The following SYT4 variants were observed in gnomAD, a reference collection of about 807,000 sequenced individuals.
SYT4 encodes the protein synaptotagmin-4.
SYT4 carries 7 observed loss-of-function variants against 32.9 expected under a neutral mutation model. The ratio of observed to expected loss-of-function variants is 0.21; its 90% CI spans 0.12 to 0.40. SYT4 has a LOEUF of 0.40. SYT4 is among the 10% of genes least tolerant of loss of function. The probability of loss-of-function intolerance (pLI) is 1.00; values close to 1 mark genes in which losing one functional copy is unlikely to be tolerated. For missense variants in SYT4, 480 were observed against 488.0 expected, an observed-to-expected ratio of 0.98 and a Z score of 0.16; for synonymous variants, 205 against 186.2, an observed-to-expected ratio of 1.10 and a Z score of -0.82.
chr18:43,276,173 A>G (rs1908787511), intron 1 of SYT4, among the ~76,000 whole-genome samples: 1 of 152,220 alleles, frequency 6.6e-6, no homozygotes, highest in African/African-American at 2.4e-5. Context: ...AGGCTGGGAA[A>G]GAAATTCATT....
At chr18:43,277,101 A>G (rs544661589) in intron 1 of SYT4, 147 bp downstream of exon 1, 1 of 938,126 alleles carries the variant, frequency 1.1e-6, no homozygotes, top group Non-Finnish European at 1.6e-6. Context: ...ATAAGCCACA[A>G]TTGCCTGACT....
In SYT4 at chr18:43,268,251, TC is replaced by T. The variant is rs2144362479; in HGVS notation, c.*2089del. The T allele has an allele frequency of 6.5e-6, 1 of 152,740 alleles. No individual in the cohort carries two copies. The allele number at this position is 152,740 out of a possible 1,614,324, so 9.5% of individuals were successfully genotyped here. On this transcript the variant is annotated 3_prime_UTR_variant, in exon 4 of 4. Coordinates refer to ENST00000255224, the MANE Select transcript of SYT4 (RefSeq NM_020783.4). Reference sequence around the variant, plus strand: ...TTAAGATCTCCCTGCCTGTTTCAATTCCTTTGTTGTTTCTTTTCTCTTTTCT... The same window carrying T: ...TTAAGATCTCCCTGCCTGTTTCAATTCTTTGTTGTTTCTTTTCTCTTTTCT...
intron 3 of SYT4, among the ~76,000 whole-genome samples, chr18:43,271,060 T>C (rs570468050): frequency 1.3e-5 from 2 of 152,270 alleles, no homozygotes; most frequent in South Asian, 4.1e-4. Context: ...CCCTGACTTT[T>C]GGCTGTGTTT....
intron 1 of SYT4, among the ~76,000 whole-genome samples, chr18:43,276,240 T>C (rs1908789366): frequency 6.6e-6 from 1 of 152,158 alleles, no homozygotes; most frequent in Admixed American, 6.6e-5. Context: ...ATGGCAAACA[T>C]TTTCTATAAC....
Position 43,274,060 on chromosome 18 carries a change from C to T in SYT4, c.369G>A (p.Pro123=), listed in dbSNP as rs149555646. 2.2e-5 allele frequency: 35 copies of T among 1,613,844 alleles called. No individual in the cohort carries two copies. The highest frequency in any genetic ancestry group is 6.6e-5 in the South Asian group (6 of 91,070). ...CTTTTTCCCCTTCTAAAAAGAGCTTCGGGGTTGCATTCTCCAGATCAGAAG... is the reference window on the plus strand; with the variant it reads ...CTTTTTCCCCTTCTAAAAAGAGCTTTGGGGTTGCATTCTCCAGATCAGAAG... The part of the protein sequence containing the change: ...GSPSDLENAT[P]KLFLEGEKES... The change falls in exon 2 of 4, where the codon CCG becomes CCA. Residue 123 remains proline (P), a synonymous_variant. Transcript: ENST00000255224.
Position 43,268,356 on chromosome 18 carries a change from C to T in SYT4, c.*1985G>A, listed in dbSNP as rs1288543759. On this transcript the variant is annotated 3_prime_UTR_variant, in exon 4 of 4. Coordinates refer to ENST00000255224, the MANE Select transcript of SYT4 (RefSeq NM_020783.4). ...AATTTTAAAAGCTAAAAACTATTTA[C>T]AAATTATCCATTTTAATTTTAAAAA... The T allele has an allele frequency of 6.6e-6, 1 of 151,746 alleles. No homozygotes were observed. Among genetic ancestry groups the T allele is most frequent in the Non-Finnish European group, 1.5e-5 (1 of 67,946 alleles). 9.4% of individuals were successfully genotyped at this position (151,746 alleles called of 1,614,324 possible). A position where few individuals can be genotyped will look rare whatever the true frequency, so the allele number is the denominator to read the frequency against.
chr18:43,273,933 C>T lies in SYT4; in HGVS notation c.496G>A (p.Glu166Lys), dbSNP rs376423172. The change falls in exon 2 of 4, where the codon GAG (glutamate) becomes AAG (lysine). Residue 166 changes from glutamate (E) to lysine (K), a missense_variant. Transcript: ENST00000255224. ...ATATTGACCACAAATGCTTTTCTCT[C>T]GAAGTTGTATTCTAAGGAGAAGAAG... ...TLFFSLEYNF[E>K]RKAFVVNIKE... The T allele has an allele frequency of 3.1e-5, 50 of 1,613,844 alleles. No individual in the cohort carries two copies. In the Middle Eastern group the frequency reaches 8.2e-4, roughly 27 times the overall value.
chr18:43,277,139 C>G, intron 1 of SYT4, 109 bp downstream of exon 1: 1 of 1,334,628 alleles, frequency 7.5e-7, no homozygotes, highest in South Asian at 1.4e-5. Context: ...TTTAAATTAA[C>G]TACCTAGGAA....
In SYT4 at chr18:43,277,464, C is replaced by T; in HGVS notation, c.-183G>A. The T allele has an allele frequency of 1.6e-6, 1 of 623,906 alleles. No homozygotes were observed. Among genetic ancestry groups the T allele is most frequent in the Non-Finnish European group, 2.8e-6 (1 of 360,936 alleles). 38.6% of individuals were successfully genotyped at this position (623,906 alleles called of 1,614,324 possible). A position where few individuals can be genotyped will look rare whatever the true frequency, so the allele number is the denominator to read the frequency against. On this transcript the variant is annotated 5_prime_UTR_variant, in exon 1 of 4. Coordinates refer to ENST00000255224, the MANE Select transcript of SYT4 (RefSeq NM_020783.4). ...CACTCGCCCTCGCACAGTGATTTGC[C>T]ACCTCGGTTCCTGTTTTGGCTCTTC... is the stretch of plus-strand genomic sequence containing the variant.
Position 43,277,316 on chromosome 18 carries a change from G to T in SYT4, c.-35C>A, listed in dbSNP as rs561612997. Reference sequence around the variant, plus strand: ...CGTGTTCTGTCCGAGGTGCTGAAGGGAAAACTGCCTGGCTGGATTCACTTG... The same window carrying T: ...CGTGTTCTGTCCGAGGTGCTGAAGGTAAAACTGCCTGGCTGGATTCACTTG... On this transcript the variant is annotated 5_prime_UTR_variant, in exon 1 of 4. Coordinates refer to ENST00000255224, the MANE Select transcript of SYT4 (RefSeq NM_020783.4). 5.0e-6 allele frequency: 8 copies of T among 1,613,830 alleles called. No homozygotes were observed. The South Asian group carries it at 7.7e-5, about 16-fold the overall frequency.
intron 1 of SYT4, among the ~76,000 whole-genome samples, 183 bp from the exon 2 acceptor site, chr18:43,274,577 A>G (rs1450415547): frequency 1.3e-5 from 2 of 152,210 alleles, no homozygotes; most frequent in African/African-American, 2.4e-5. Flanking sequence ...ACATCCCCAC[A>G]GGAAAAACAT....
At chr18:43,272,695 T>C (rs547751186) in intron 2 of SYT4, among the ~76,000 whole-genome samples, 66 of 152,194 alleles carry the variant, frequency 4.3e-4, no homozygotes, top group South Asian at 2.9e-3. Context: ...CTAAGGAGAA[T>C]AAGAGTAGAA....
chr18:43,275,538 C>T (rs1293933742), intron 1 of SYT4, among the ~76,000 whole-genome samples: 2 of 152,100 alleles, frequency 1.3e-5, no homozygotes, highest in East Asian at 1.9e-4. Flanking sequence ...AAGTTCCAGC[C>T]CAGAAAGGGT....
In SYT4 at chr18:43,273,563, C is replaced by T; in HGVS notation, c.849+17G>A. On this transcript the variant is annotated intron_variant, in intron 2 of 3. Transcript: ENST00000255224. ...AAAGATTGTTTATAAATACTTTAAG[C>T]ACTGAAAATAAATTACCCTAACATT... 6.5e-7 allele frequency: 1 copy of T among 1,542,536 alleles called. No homozygotes were observed. Among genetic ancestry groups the T allele is most frequent in the Non-Finnish European group, 8.8e-7 (1 of 1,136,102 alleles).
At position 43,270,064 on chromosome 18, in the gene SYT4, T is replaced by A. The variant is rs1482444528; in HGVS notation, c.*277A>T. ...ATAATTTGGGATTCTGGCACAGTAT[T>A]CATAAAATGTCTGACTATTCCTAGT... On this transcript the variant is annotated 3_prime_UTR_variant, in exon 4 of 4. Transcript: ENST00000255224. 5.0e-6 allele frequency: 2 copies of A among 397,664 alleles called. No homozygotes were observed. Among genetic ancestry groups the A allele is most frequent in the Non-Finnish European group, 9.0e-6 (2 of 221,490 alleles). 24.6% of individuals were successfully genotyped at this position (397,664 alleles called of 1,614,324 possible).
At chr18:43,274,715 A>G (rs1908739790) in intron 1 of SYT4, among the ~76,000 whole-genome samples, 1 of 152,194 alleles carries the variant, frequency 6.6e-6, no homozygotes, top group Non-Finnish European at 1.5e-5. Context: ...CTCAGATAAC[A>G]TGAGACAGCT....
At chr18:43,275,608 C>T (rs1279525277) in intron 1 of SYT4, among the ~76,000 whole-genome samples, 1 of 152,014 alleles carries the variant, frequency 6.6e-6, no homozygotes, top group Non-Finnish European at 1.5e-5. Context: ...TTCCCCATCC[C>T]CCCAAATCTT....
At chr18:43,271,633 G>T in intron 3 of SYT4, 79 bp downstream of exon 3, 1 of 1,558,270 alleles carries the variant, frequency 6.4e-7, no homozygotes, top group Non-Finnish European at 8.7e-7. Flanking sequence ...AGATAGAAGA[G>T]TAAGAGTAGG....
intron 2 of SYT4, 66 bp downstream of exon 2, chr18:43,273,514 C>G: frequency 8.8e-7 from 1 of 1,129,972 alleles, no homozygotes; most frequent in Non-Finnish European, 1.2e-6. Flanking sequence ...AATAAAAATT[C>G]CTTAGACACC....
Sources: allele counts gnomAD v4.1 joint callset (sites outside exome capture counted in the v4.1 genomes callset), GRCh38; gene constraint gnomAD v4.1.1; transcripts MANE v1.5; gene names NCBI Gene and HGNC (gene_info 2026-07-23, HGNC 2026-07-21).